THRB: variants seen among roughly 807,000 people sequenced by gnomAD.
The protein encoded by THRB is thyroid hormone receptor beta.
THRB carries 12 observed loss-of-function variants against 47.8 expected under a neutral mutation model. That is an observed-to-expected ratio of 0.25 (90% CI 0.16 to 0.41). The LOEUF is 0.41. Ranked by LOEUF, THRB falls within the 10% of genes least tolerant of loss-of-function variation. THRB has a pLI of 1.00. For synonymous variants in THRB, 218 were observed against 212.2 expected (o/e 1.03, Z -0.24); for missense variants, 348 against 589.2 (o/e 0.59, Z 4.24).
chr3:24,154,895 G>T, intron 5 of THRB, among the ~76,000 whole-genome samples: 1 of 152,218 alleles, frequency 6.6e-6, no homozygotes, highest in East Asian at 1.9e-4. Flanking sequence ...AGTCATTTCT[G>T]TCTAATCTCA....
At chr3:24,282,905 T>G (rs2054780218) in intron 3 of THRB, among the ~76,000 whole-genome samples, 2 of 151,776 alleles carry the variant, frequency 1.3e-5, no homozygotes, top group Non-Finnish European at 2.9e-5. Flanking sequence ...AATCTCTGAA[T>G]AGACCAATAA....
intron 9 of THRB, among the ~76,000 whole-genome samples, chr3:24,132,871 T>C (rs1389364607): frequency 6.6e-6 from 1 of 152,234 alleles, no homozygotes; most frequent in Non-Finnish European, 1.5e-5. Flanking sequence ...ACCTAGGCTC[T>C]AACCATGATG....
chr3:24,406,158 C>G (rs544669912), intron 1 of THRB, among the ~76,000 whole-genome samples: 1 of 151,502 alleles, frequency 6.6e-6, no homozygotes, highest in African/African-American at 2.4e-5. Flanking sequence ...AATCACATGA[C>G]CTTTTTTCCT....
chr3:24,403,993 G>T (rs932482606), intron 1 of THRB, among the ~76,000 whole-genome samples: 2 of 151,924 alleles, frequency 1.3e-5, no homozygotes, highest in Admixed American at 1.3e-4. Context: ...GAAAGTATTT[G>T]TCGCCAATGA....
At chr3:24,351,807 C>T (rs1477613229) in intron 1 of THRB, among the ~76,000 whole-genome samples, 1 of 152,148 alleles carries the variant, frequency 6.6e-6, no homozygotes, top group Admixed American at 6.6e-5. Context: ...GTCTGTAGTG[C>T]TAGACACATG....
At chr3:24,292,529 T>C (rs527697404) in intron 3 of THRB, among the ~76,000 whole-genome samples, 1 of 152,222 alleles carries the variant, frequency 6.6e-6, no homozygotes, top group South Asian at 2.1e-4. Flanking sequence ...CTCCCTGTCC[T>C]CTCCACTGTG....
chr3:24,121,508 C>G lies in THRB; in HGVS notation c.*1376G>C, dbSNP rs1034214119. ...GGTACATTCTATGCCCATTTTCTGA[C>G]GCTGAAGAGATGAAGTGTCACTGTT... On this transcript the variant is annotated 3_prime_UTR_variant, in exon 11 of 11. Transcript: ENST00000646209. 6.6e-6 allele frequency: 1 copy of G among 152,556 alleles called. No homozygotes were observed. Among genetic ancestry groups the G allele is most frequent in the African/African-American group, 2.4e-5 (1 of 41,410 alleles). 9.5% of individuals were successfully genotyped at this position (152,556 alleles called of 1,614,324 possible). A position where few individuals can be genotyped will look rare whatever the true frequency, so the allele number is the denominator to read the frequency against.
chr3:24,451,931 A>G (rs556692016), intron 1 of THRB, among the ~76,000 whole-genome samples: 4 of 152,360 alleles, frequency 2.6e-5, no homozygotes, highest in African/African-American at 9.6e-5. Context: ...CAGATAAAAA[A>G]GCACTGGGGG....
rs1486190895 is a variant in THRB, at chr3:24,295,884, G to A, written c.-43+1342C>T. Among the ~76,000 whole-genome samples, 4 of 152,142 alleles carry A rather than the reference G, an allele frequency of 2.6e-5. 1 individual carries two copies. Among genetic ancestry groups the A allele is most frequent in the Admixed American group, 2.6e-4 (4 of 15,272 alleles). On this transcript the variant is annotated intron_variant, in intron 3 of 10. Coordinates refer to ENST00000646209, the MANE Select transcript of THRB (RefSeq NM_001354712.2). The stretch of plus-strand genomic sequence containing the variant: ...GTGATAATGTCAATGCTCTACATCT[G>A]CACTTTCCAATATGGGAGCCATTAG...
intron 2 of THRB, 42 bp from the exon 3 acceptor site, chr3:24,297,413 A>G (rs2056537965): frequency 6.6e-6 from 1 of 152,220 alleles, no homozygotes; most frequent in Admixed American, 6.5e-5. Flanking sequence ...CATCTATTTC[A>G]TTGTAGCACT....
chr3:24,175,112 T>TAAAC (rs1400244732), intron 5 of THRB, among the ~76,000 whole-genome samples: 1 of 152,242 alleles, frequency 6.6e-6, no homozygotes, highest in East Asian at 1.9e-4. Flanking sequence ...AGAAAATTAC[T>TAAAC]AAACAATCTT....
chr3:24,208,038 C>G (rs1046953420), intron 4 of THRB, among the ~76,000 whole-genome samples: 3 of 152,114 alleles, frequency 2.0e-5, no homozygotes, highest in African/African-American at 4.8e-5. Flanking sequence ...CACAAGCATT[C>G]CTATACACCA....
At chr3:24,326,160 G>T (rs2058791437) in intron 2 of THRB, among the ~76,000 whole-genome samples, 1 of 152,136 alleles carries the variant, frequency 6.6e-6, no homozygotes, top group Non-Finnish European at 1.5e-5. Context: ...TAAATAACTA[G>T]AATGATTGTT....
intron 1 of THRB, among the ~76,000 whole-genome samples, chr3:24,477,933 A>C (rs1284168460): frequency 4.0e-5 from 6 of 150,460 alleles, no homozygotes; most frequent in African/African-American, 9.8e-5. Context: ...GGCAAAGCAG[A>C]AACTGGTTAC....
At chr3:24,236,761 A>T (rs1271009123) in intron 3 of THRB, among the ~76,000 whole-genome samples, 2 of 152,210 alleles carry the variant, frequency 1.3e-5, no homozygotes, top group Non-Finnish European at 2.9e-5. Flanking sequence ...GGGGAGTAAG[A>T]AAGTTTGGAC....
chr3:24,437,987 T>G (rs139803930), intron 1 of THRB, among the ~76,000 whole-genome samples: 44 of 151,892 alleles, frequency 2.9e-4, no homozygotes, highest in African/African-American at 1.0e-3. Flanking sequence ...CTGAGTAATC[T>G]CTCATGTTTT....
intron 9 of THRB, among the ~76,000 whole-genome samples, chr3:24,130,035 G>A (rs550528329): frequency 1.3e-4 from 20 of 152,280 alleles, no homozygotes; most frequent in Non-Finnish European, 2.8e-4. Flanking sequence ...GGTAGCTCAC[G>A]AACCTATACA....
chr3:24,438,979 G>T (rs1029281984), intron 1 of THRB, among the ~76,000 whole-genome samples: 1 of 152,172 alleles, frequency 6.6e-6, no homozygotes, highest in Non-Finnish European at 1.5e-5. Flanking sequence ...AAGCAAGGGA[G>T]GGCAGGGGAA....
At chr3:24,188,662 C>T (rs77908293) in intron 5 of THRB, among the ~76,000 whole-genome samples, 4,616 of 152,042 alleles carry the variant, frequency 0.03, 119 homozygotes, top group Non-Finnish European at 0.046. Flanking sequence ...GTTTTAGTGC[C>T]AGCCCATACA....
Sources: allele counts gnomAD v4.1 joint callset (sites outside exome capture counted in the v4.1 genomes callset), GRCh38; gene constraint gnomAD v4.1.1; transcripts MANE v1.5; gene names NCBI Gene and HGNC (gene_info 2026-07-23, HGNC 2026-07-21).